CDH12: variants seen among roughly 807,000 people sequenced by gnomAD.
CDH12 encodes cadherin 12.
A neutral mutation model predicts 74.1 loss-of-function variants in CDH12; 41 were observed. The ratio of observed to expected loss-of-function variants is 0.55; its 90% CI spans 0.43 to 0.72. The LOEUF is 0.72. Among genes scored for constraint, CDH12 ranks in the 30% least tolerant of loss-of-function variants. CDH12 has a pLI of 0.00. For synonymous variants in CDH12, 399 were observed against 355.0 expected, an observed-to-expected ratio of 1.12 and a Z score of -1.39; for missense variants, 945 against 977.2, an observed-to-expected ratio of 0.97 and a Z score of 0.44.
intron 3 of CDH12, among the ~76,000 whole-genome samples, chr5:22,379,142 A>T (rs919810815): frequency 6.6e-6 from 1 of 152,228 alleles, no homozygotes; most frequent in Non-Finnish European, 1.5e-5. Flanking sequence ...AACTTAATAC[A>T]GTCCTGGGAA....
At chr5:22,097,931 T>A (rs1052092994) in intron 4 of CDH12, among the ~76,000 whole-genome samples, 15 of 152,170 alleles carry the variant, frequency 9.9e-5, no homozygotes, top group African/African-American at 3.4e-4. Flanking sequence ...TTCCCCCATT[T>A]CACCTGTCCT....
intron 3 of CDH12, among the ~76,000 whole-genome samples, chr5:22,340,013 G>A (rs1739773478): frequency 6.6e-6 from 1 of 151,998 alleles, no homozygotes; most frequent in Admixed American, 6.6e-5. Flanking sequence ...CTGTTCAATG[G>A]TTTCATTTTA....
chr5:22,343,327 G>C (rs201523417), intron 3 of CDH12, among the ~76,000 whole-genome samples: 37,861 of 105,562 alleles, frequency 0.36, 5,803 homozygotes, highest in South Asian at 0.5. Flanking sequence ...CACACACAGA[G>C]AGAGAGAGAG....
chr5:22,127,718 C>T (rs187392115), intron 4 of CDH12, among the ~76,000 whole-genome samples: 7 of 152,208 alleles, frequency 4.6e-5, no homozygotes, highest in Non-Finnish European at 8.8e-5. Flanking sequence ...GCAAAAGAAG[C>T]CCAGAACTGG....
At chr5:22,483,743 C>T (rs1167127646) in intron 2 of CDH12, among the ~76,000 whole-genome samples, 2 of 10,254 alleles carry the variant, frequency 2.0e-4, no homozygotes, top group African/African-American at 4.0e-4. Flanking sequence ...CTGTCTCTTT[C>T]AAAACTATAT....
intron 3 of CDH12, among the ~76,000 whole-genome samples, chr5:22,230,232 G>A (rs779531488): frequency 6.6e-5 from 10 of 151,912 alleles, no homozygotes; most frequent in East Asian, 1.9e-4. Flanking sequence ...TTTTTATTCC[G>A]CACGTTTTAA....
At chr5:21,890,824 G>A (rs2150043840) in intron 6 of CDH12, among the ~76,000 whole-genome samples, 1 of 152,170 alleles carries the variant, frequency 6.6e-6, no homozygotes, top group South Asian at 2.1e-4. Context: ...AATTTAGGTT[G>A]GGATAGTAAG....
intron 3 of CDH12, among the ~76,000 whole-genome samples, chr5:22,354,623 G>A (rs933164175): frequency 6.6e-6 from 1 of 152,054 alleles, no homozygotes; most frequent in African/African-American, 2.4e-5. Context: ...TGGGGAGAAG[G>A]GAATAAAGAG....
intron 5 of CDH12, among the ~76,000 whole-genome samples, chr5:22,038,637 A>G (rs1739346926): frequency 6.6e-6 from 1 of 152,164 alleles, no homozygotes; most frequent in Non-Finnish European, 1.5e-5. Context: ...CTCAGCCACC[A>G]TTCGTGCCTA....
intron 4 of CDH12, among the ~76,000 whole-genome samples, chr5:22,197,024 A>G (rs575675513): frequency 6.6e-6 from 1 of 152,326 alleles, no homozygotes; most frequent in Non-Finnish European, 1.5e-5. Flanking sequence ...GTTTACCTAC[A>G]TAAACCTGCA....
At chr5:22,515,604 C>T (rs573983094) in intron 1 of CDH12, among the ~76,000 whole-genome samples, 7 of 152,006 alleles carry the variant, frequency 4.6e-5, no homozygotes, top group Non-Finnish European at 7.4e-5. Context: ...CACACATACA[C>T]AAACTCACAC....
intron 6 of CDH12, among the ~76,000 whole-genome samples, chr5:21,863,379 T>G (rs1751156877): frequency 6.6e-6 from 1 of 152,158 alleles, no homozygotes; most frequent in Non-Finnish European, 1.5e-5. Flanking sequence ...TCCTCTATAA[T>G]CTCATCACAC....
chr5:22,074,763 C>A (rs1368581429), intron 5 of CDH12, among the ~76,000 whole-genome samples: 2 of 152,026 alleles, frequency 1.3e-5, no homozygotes, highest in African/African-American at 2.4e-5. Context: ...CAATGAGATA[C>A]CATCTCACAC....
At chr5:22,284,906 G>C (rs1370897395) in intron 3 of CDH12, among the ~76,000 whole-genome samples, 1 of 139,222 alleles carries the variant, frequency 7.2e-6, no homozygotes, top group East Asian at 2.1e-4. Context: ...AGGAAGATGA[G>C]ATGAAAGAAT....
intron 1 of CDH12, among the ~76,000 whole-genome samples, chr5:22,777,637 T>C (rs1747170503): frequency 6.6e-6 from 1 of 152,046 alleles, no homozygotes; most frequent in Admixed American, 6.6e-5. Flanking sequence ...TGTGTGTTTG[T>C]GTTTTCTGGT....
chr5:22,216,266 C>A (rs1751799960), intron 3 of CDH12, among the ~76,000 whole-genome samples: 1 of 151,952 alleles, frequency 6.6e-6, no homozygotes, highest in South Asian at 2.1e-4. Flanking sequence ...TTACTCTGAG[C>A]TGACAGGGAA....
intron 2 of CDH12, among the ~76,000 whole-genome samples, chr5:22,436,575 C>T (rs1022321200): frequency 2.8e-4 from 42 of 152,028 alleles, no homozygotes; most frequent in Non-Finnish European, 5.6e-4. Flanking sequence ...ATGAATTATT[C>T]TTTCTCAACT....
intron 4 of CDH12, among the ~76,000 whole-genome samples, chr5:22,204,162 GTT>G (rs113456439): frequency 0.017 from 2,152 of 129,860 alleles, 50 homozygotes; most frequent in African/African-American, 0.05. Flanking sequence ...TGTTTTGTTT[GTT>G]TTTTTTTTTT....
chr5:21,924,222 T>C (rs1228255854), intron 6 of CDH12, among the ~76,000 whole-genome samples: 1 of 152,134 alleles, frequency 6.6e-6, no homozygotes, highest in Non-Finnish European at 1.5e-5. Flanking sequence ...AAGGTGAAGA[T>C]GATGTGTTTA....
Sources: gnomAD v4.1 joint callset for allele counts (sites outside exome capture counted in the v4.1 genomes callset) on GRCh38, gnomAD v4.1.1 for gene constraint, MANE v1.5 for transcripts, NCBI Gene and HGNC (gene_info 2026-07-23, HGNC 2026-07-21) for gene names.